KRIT1: variants seen among roughly 807,000 people sequenced by gnomAD.
KRIT1 encodes krev interaction trapped protein 1.
A neutral mutation model predicts 95.8 loss-of-function variants in KRIT1; 45 were observed. The observed-to-expected ratio is 0.47, with a 90% CI of 0.37 to 0.60. The LOEUF is 0.60. Ranked by LOEUF, KRIT1 falls within the 20% of genes least tolerant of loss-of-function variation. The probability of loss-of-function intolerance (pLI) is 0.00; values close to 1 mark genes in which losing one functional copy is unlikely to be tolerated. For missense variants in KRIT1, 788 were observed against 877.5 expected (o/e 0.90, Z 1.29); for synonymous variants, 282 against 278.8 (o/e 1.01, Z -0.11).
chr7:92,237,322 A>G (rs1798635527), intron 6 of KRIT1, among the ~76,000 whole-genome samples: 1 of 152,120 alleles, frequency 6.6e-6, no homozygotes, highest in African/African-American at 2.4e-5. Flanking sequence ...TAATCTGTTA[A>G]TTTTCCAGAA....
rs773990032 is a variant in KRIT1 at position 92,222,846 on chromosome 7, T to C, written c.1387A>G (p.Ile463Val). Reference sequence around the variant, plus strand: ...CTGAGGTTTTCTGAACAAATCCATATAGTGAAATATTGCTGAGTTTCTTGA... The same window carrying C: ...CTGAGGTTTTCTGAACAAATCCATACAGTGAAATATTGCTGAGTTTCTTGA... ...LSQETQQYFT[I>V]WICSENLSLQ... The change falls in exon 13 of 19, where the codon ATA (isoleucine) becomes GTA (valine). Residue 463 changes from isoleucine (I) to valine (V), a missense_variant. By Grantham distance (29) the Ile-to-Val change is conservative. Transcript: ENST00000394505. The C allele has an allele frequency of 1.1e-5, 18 of 1,606,908 alleles. No homozygotes were observed. The highest frequency in any genetic ancestry group is 1.4e-5 in the Non-Finnish European group (17 of 1,173,604).
At chr7:92,218,876 T>C (rs1404513699) in intron 14 of KRIT1, among the ~76,000 whole-genome samples, 1 of 152,242 alleles carries the variant, frequency 6.6e-6, no homozygotes, top group African/African-American at 2.4e-5. Context: ...CTTTTGTTGT[T>C]CATGCTTTTG....
At chr7:92,204,369 C>T (rs893472268) in intron 17 of KRIT1, among the ~76,000 whole-genome samples, 2 of 151,896 alleles carry the variant, frequency 1.3e-5, no homozygotes, top group Admixed American at 6.6e-5. Context: ...GGATCGGTTT[C>T]GTGGCAGACA....
chr7:92,213,958 G>A lies in KRIT1; in HGVS notation c.1752C>T (p.Ile584=), dbSNP rs148836047. The A allele has an allele frequency of 1.9e-4, 312 of 1,607,498 alleles. 1 individual carries two copies. Among genetic ancestry groups the A allele is most frequent in the Non-Finnish European group, 2.5e-4 (293 of 1,174,280 alleles). The change falls in exon 16 of 19, where the codon ATC becomes ATT. Residue 584 remains isoleucine (I), a synonymous_variant. Coordinates refer to ENST00000394505, the MANE Select transcript of KRIT1 (RefSeq NM_194454.3). ...GFLNEENLKS[I]VPVTKLKSKA... ...TACTTTTCAGTTTGGTAACAGGTAC[G>A]ATGGATTTTAGATTTTCTTCACTGT...
intron 7 of KRIT1, 189 bp from the exon 8 acceptor site, chr7:92,235,835 A>C (rs888189406): frequency 5.1e-5 from 27 of 526,638 alleles, no homozygotes; most frequent in African/African-American, 4.6e-4. Context: ...TTTTTTTAAC[A>C]AAAAAACATG....
chr7:92,217,901 C>T (rs969355593), intron 14 of KRIT1, among the ~76,000 whole-genome samples: 1 of 152,148 alleles, frequency 6.6e-6, no homozygotes, highest in African/African-American at 2.4e-5. Flanking sequence ...AATTTCTATA[C>T]ATTTTTACCA....
intron 14 of KRIT1, among the ~76,000 whole-genome samples, chr7:92,218,488 T>G (rs1462353162): frequency 6.6e-6 from 1 of 151,006 alleles, no homozygotes; most frequent in African/African-American, 2.4e-5. Flanking sequence ...TCAAGCAACC[T>G]TCCCACCTCA....
chr7:92,224,280 A>C (rs554078790), intron 12 of KRIT1, among the ~76,000 whole-genome samples: 3 of 152,150 alleles, frequency 2.0e-5, no homozygotes, highest in African/African-American at 4.8e-5. Flanking sequence ...TTGTTGGTAT[A>C]AATCTTTTTA....
intron 11 of KRIT1, 59 bp downstream of exon 11, chr7:92,226,467 G>A: frequency 1.6e-6 from 2 of 1,245,080 alleles, no homozygotes; most frequent in South Asian, 2.4e-5. Flanking sequence ...ACATTTTAGT[G>A]TCATTACTTG....
In KRIT1 at chr7:92,245,864, TC is replaced by T. The variant is rs1800884087; in HGVS notation, c.-496del. Reference sequence around the variant, plus strand: ...CTCACCCTCTCCCGAAACTACGGGGTCCCAGGTCTTCAAAGGCCTTAGCTTT... The same window carrying T: ...CTCACCCTCTCCCGAAACTACGGGGTCCAGGTCTTCAAAGGCCTTAGCTTT... On this transcript the variant is annotated 5_prime_UTR_variant, in exon 1 of 19. Coordinates refer to ENST00000394505, the MANE Select transcript of KRIT1 (RefSeq NM_194454.3). 1 of 216,456 alleles carries T rather than the reference TC, an allele frequency of 4.6e-6. No homozygotes were observed. The highest frequency in any genetic ancestry group is 9.2e-6 in the Non-Finnish European group (1 of 108,478). The allele number at this position is 216,456 out of a possible 1,614,324, so 13.4% of individuals were successfully genotyped here. A position where few individuals can be genotyped will look rare whatever the true frequency, so the allele number is the denominator to read the frequency against.
At chr7:92,205,868 A>G (rs973015990) in intron 17 of KRIT1, 1 of 152,252 alleles carries the variant, frequency 6.6e-6, no homozygotes, top group Non-Finnish European at 1.5e-5. Context: ...TTTTATAATG[A>G]CTTACGGTTA....
At chr7:92,217,559 T>C (rs1488507641) in intron 14 of KRIT1, among the ~76,000 whole-genome samples, 1 of 152,232 alleles carries the variant, frequency 6.6e-6, no homozygotes, top group Non-Finnish European at 1.5e-5. Flanking sequence ...ATTTAGTATG[T>C]TTTCAAGGTT....
In KRIT1 at chr7:92,200,683, A is replaced by G. The variant is rs11542681; in HGVS notation, c.*53T>C. ...AATATTTTAAGAAATCTTTCACGGA[A>G]AAAAAACTCTGCATTACAAAATGTG... On this transcript the variant is annotated 3_prime_UTR_variant, in exon 19 of 19. Coordinates refer to ENST00000394505, the MANE Select transcript of KRIT1 (RefSeq NM_194454.3). 9 of 1,197,082 alleles carry G rather than the reference A, an allele frequency of 7.5e-6. No homozygotes were observed. Among genetic ancestry groups the G allele is most frequent in the African/African-American group, 1.5e-5 (1 of 66,850 alleles). 74.2% of individuals were successfully genotyped at this position (1,197,082 alleles called of 1,614,324 possible). A position where few individuals can be genotyped will look rare whatever the true frequency, so the allele number is the denominator to read the frequency against.
In KRIT1 at chr7:92,201,595, T is replaced by C. The variant is rs180972841; in HGVS notation, c.2026-172A>G. The C allele has an allele frequency of 1.4e-5, 8 of 583,432 alleles. No individual in the cohort carries two copies. In the African/African-American group the frequency reaches 1.5e-4, roughly 11 times the overall value. 36.1% of individuals were successfully genotyped at this position (583,432 alleles called of 1,614,324 possible). ...TACACGTGCAGAATGTGCAGTTTTG[T>C]TACATAGACATACACATGCCATGGT... On this transcript the variant is annotated intron_variant, in intron 17 of 18. Transcript: ENST00000394505.
Position 92,222,894 on chromosome 7 carries a change from T to C in KRIT1, c.1339A>G (p.Ile447Val), listed in dbSNP as rs1161355896. 4 of 1,602,614 alleles carry C rather than the reference T, an allele frequency of 2.5e-6. No individual in the cohort carries two copies. Among genetic ancestry groups the C allele is most frequent in the East Asian group, 2.2e-5 (1 of 44,798 alleles). The change falls in exon 13 of 19, where the codon ATA (isoleucine) becomes GTA (valine). Residue 447 changes from isoleucine (I) to valine (V), a missense_variant. This residue lies in a region of KRIT1 where 493 missense variants were observed against 582.3 expected (regional missense o/e 0.85). Coordinates refer to ENST00000394505, the MANE Select transcript of KRIT1 (RefSeq NM_194454.3). Reference protein sequence around the residue: ...KHGNNTTVQQIMEGMRLSQET... With the variant: ...KHGNNTTVQQVMEGMRLSQET... ...TGAGAGAGACGCATTCCTTCCATTA[T>C]CTGCTGCACTGTGGTATTATTTCCA...
chr7:92,204,903 C>G (rs563999125), intron 17 of KRIT1, among the ~76,000 whole-genome samples: 1 of 152,056 alleles, frequency 6.6e-6, no homozygotes, highest in Non-Finnish European at 1.5e-5. Flanking sequence ...AGACTCTATT[C>G]CACCCTATGT....
In KRIT1 at chr7:92,222,820, A is replaced by T. The variant is rs1248197590; in HGVS notation, c.1411+2T>A. 6.3e-7 allele frequency: 1 copy of T among 1,588,028 alleles called. No homozygotes were observed. The highest frequency in any genetic ancestry group is 8.6e-7 in the Non-Finnish European group (1 of 1,156,668). ...ACTATAACATAATAAAAACTTTCTT[A>T]CTGAGGTTTTCTGAACAAATCCATA... On this transcript the variant is annotated splice_donor_variant, in intron 13 of 18. Transcript: ENST00000394505. LOFTEE classifies it high-confidence loss of function.
rs369515161 is a variant in KRIT1, at chr7:92,200,706, G to A, written c.*30C>T. 118 of 1,409,486 alleles carry A rather than the reference G, an allele frequency of 8.4e-5. 1 individual carries two copies. The highest frequency in any genetic ancestry group is 2.3e-4 in the East Asian group (10 of 43,972). The allele number at this position is 1,409,486 out of a possible 1,614,324, so 87.3% of individuals were successfully genotyped here. On this transcript the variant is annotated 3_prime_UTR_variant, in exon 19 of 19. Transcript: ENST00000394505. ...GAAAAAAAACTCTGCATTACAAAAT[G>A]TGGTGGCTTGAGTAACAGTTACTTC...
chr7:92,226,780 T>C, intron 10 of KRIT1, 98 bp from the exon 11 acceptor site: 1 of 1,065,752 alleles, frequency 9.4e-7, no homozygotes, highest in Non-Finnish European at 1.4e-6. Context: ...TTAGATGATA[T>C]CTCAAAGAAA....
Sources: allele counts gnomAD v4.1 joint callset (sites outside exome capture counted in the v4.1 genomes callset), GRCh38; gene constraint gnomAD v4.1.1; regional missense constraint gnomAD v4.1.1; transcripts MANE v1.5; gene names NCBI Gene and HGNC (gene_info 2026-07-23, HGNC 2026-07-21).